The following GPC5 variants were observed in gnomAD, a reference collection of about 807,000 sequenced individuals.
GPC5 encodes the protein glypican-5.
Under a neutral mutation model 53.9 loss-of-function variants are expected in GPC5, and 47 were observed. The ratio of observed to expected loss-of-function variants is 0.87; its 90% CI spans 0.69 to 1.11. The LOEUF (loss-of-function observed/expected upper bound fraction) is 1.11, where lower values mean the gene tolerates loss of function less well. Ranked by LOEUF, GPC5 falls within the 50% of genes most tolerant of loss-of-function variation. The pLI is 0.00. For synonymous variants in GPC5, 286 were observed against 263.3 expected (o/e 1.09, Z -0.84); for missense variants, 748 against 713.1 (o/e 1.05, Z -0.56).
chr13:92,764,218 AC>A (rs1875302619), intron 7 of GPC5, among the ~76,000 whole-genome samples: 1 of 152,158 alleles, frequency 6.6e-6, no homozygotes, highest in Non-Finnish European at 1.5e-5. Flanking sequence ...TGACAAATTG[AC>A]CTCACGAGGT....
chr13:92,501,405 A>G (rs1880178646), intron 7 of GPC5, among the ~76,000 whole-genome samples: 1 of 152,204 alleles, frequency 6.6e-6, no homozygotes, highest in East Asian at 1.9e-4. Flanking sequence ...GATTAACAAT[A>G]GAACCAAAAT....
At chr13:91,842,788 G>A (rs907172938) in intron 5 of GPC5, among the ~76,000 whole-genome samples, 2 of 141,830 alleles carry the variant, frequency 1.4e-5, no homozygotes. Flanking sequence ...TATGCATGTT[G>A]TTTGAGATTT....
intron 2 of GPC5, among the ~76,000 whole-genome samples, chr13:91,686,167 A>T (rs2035618841): frequency 6.6e-6 from 1 of 152,080 alleles, no homozygotes; most frequent in Admixed American, 6.5e-5. Flanking sequence ...TTTATCTGTT[A>T]CACAACTGCT....
At chr13:91,999,458 C>T (rs1017456061) in intron 6 of GPC5, among the ~76,000 whole-genome samples, 1 of 152,112 alleles carries the variant, frequency 6.6e-6, no homozygotes, top group Non-Finnish European at 1.5e-5. Context: ...AATTTTACTT[C>T]ATTATATTTT....
intron 2 of GPC5, among the ~76,000 whole-genome samples, chr13:91,653,894 C>T (rs2034781537): frequency 6.6e-6 from 1 of 152,082 alleles, no homozygotes; most frequent in Non-Finnish European, 1.5e-5. Context: ...ATCATCAATA[C>T]CAAGATAGTG....
At chr13:92,445,752 C>T (rs148379110) in intron 7 of GPC5, among the ~76,000 whole-genome samples, 2,270 of 151,856 alleles carry the variant, frequency 0.015, 64 homozygotes, top group African/African-American at 0.052. Flanking sequence ...TCTTTGCTAT[C>T]GTGAATAATG....
intron 7 of GPC5, among the ~76,000 whole-genome samples, chr13:92,842,189 G>A (rs539921911): frequency 1.3e-5 from 2 of 152,012 alleles, no homozygotes; most frequent in African/African-American, 2.4e-5. Flanking sequence ...TCCAGTACTG[G>A]ATTTTGCCCA....
At chr13:92,484,281 C>T (rs1212718671) in intron 7 of GPC5, among the ~76,000 whole-genome samples, 1 of 152,178 alleles carries the variant, frequency 6.6e-6, no homozygotes, top group Non-Finnish European at 1.5e-5. Context: ...ATAACAACGA[C>T]TCTTGGAATA....
intron 6 of GPC5, among the ~76,000 whole-genome samples, chr13:92,120,188 G>T (rs1276881795): frequency 6.6e-6 from 1 of 152,156 alleles, no homozygotes; most frequent in African/African-American, 2.4e-5. Flanking sequence ...AAAAGCAGCA[G>T]TAAGTAAACT....
At chr13:91,402,031 T>C (rs1410037434) in intron 1 of GPC5, among the ~76,000 whole-genome samples, 1 of 152,222 alleles carries the variant, frequency 6.6e-6, no homozygotes, top group Non-Finnish European at 1.5e-5. Context: ...TTTTCATTTT[T>C]ATTTTATTTA....
At chr13:92,338,050 A>G (rs921417146) in intron 7 of GPC5, among the ~76,000 whole-genome samples, 1 of 152,170 alleles carries the variant, frequency 6.6e-6, no homozygotes, top group Non-Finnish European at 1.5e-5. Context: ...AAATAATTGC[A>G]AAAGATACAG....
At chr13:91,771,920 A>G (rs759035057) in intron 5 of GPC5, among the ~76,000 whole-genome samples, 5 of 152,210 alleles carry the variant, frequency 3.3e-5, no homozygotes, top group African/African-American at 4.8e-5. Flanking sequence ...TAGTTCTTCA[A>G]TGTCAGTTTT....
intron 6 of GPC5, among the ~76,000 whole-genome samples, chr13:92,121,307 G>T (rs1309639151): frequency 6.6e-6 from 1 of 152,228 alleles, no homozygotes; most frequent in East Asian, 1.9e-4. Context: ...TGAAAGTTCT[G>T]GTTCAGGTCT....
chr13:91,852,088 A>G (rs1024416087), intron 5 of GPC5, among the ~76,000 whole-genome samples: 2 of 151,978 alleles, frequency 1.3e-5, no homozygotes, highest in Non-Finnish European at 2.9e-5. Flanking sequence ...TGACTTCCAC[A>G]ATGGTTGAAC....
At chr13:92,482,835 C>T (rs1005043876) in intron 7 of GPC5, among the ~76,000 whole-genome samples, 1 of 152,034 alleles carries the variant, frequency 6.6e-6, no homozygotes, top group African/African-American at 2.4e-5. Flanking sequence ...TTATGCCATG[C>T]TTAATGATGG....
chr13:91,687,410 C>T lies in GPC5; in HGVS notation c.326-5777C>T, dbSNP rs189638066. ...GTGGGCTGGAAGCAGTTAAAGTTTT[C>T]AGTCTTAGGTGTTTTGTCATTAAAT... On this transcript the variant is annotated intron_variant, in intron 2 of 7. Transcript: ENST00000377067. Among the ~76,000 whole-genome samples the T allele has an allele frequency of 2.0e-3, 303 of 152,044 alleles. 2 individuals are homozygous for T. The highest frequency in any genetic ancestry group is 6.9e-3 in the African/African-American group (287 of 41,548).
Position 91,498,237 on chromosome 13 carries a change from A to G in GPC5, c.325+49315A>G, listed in dbSNP as rs533108746. ...TGTCTTTTCAGAAATCTCTACCCAA[A>G]GATTTTTTTTTTTTTTTTTTTTGCT... On this transcript the variant is annotated intron_variant, in intron 2 of 7. Coordinates refer to ENST00000377067, the MANE Select transcript of GPC5 (RefSeq NM_004466.6). Among the ~76,000 whole-genome samples the G allele has an allele frequency of 4.3e-3, 477 of 110,610 alleles. 13 individuals are homozygous for G. The highest frequency in any genetic ancestry group is 0.01 in the Middle Eastern group (2 of 200). The allele number at this position is 110,610 out of a possible 152,430, so 72.6% of individuals were successfully genotyped here.
chr13:92,509,077 T>C (rs1275070910), intron 7 of GPC5, among the ~76,000 whole-genome samples: 3 of 152,132 alleles, frequency 2.0e-5, no homozygotes, highest in Admixed American at 2.0e-4. Context: ...TGCCAGATAG[T>C]AACAAGCACT....
intron 7 of GPC5, among the ~76,000 whole-genome samples, chr13:92,244,111 C>G (rs1394954220): frequency 1.3e-5 from 2 of 152,162 alleles, no homozygotes; most frequent in Non-Finnish European, 2.9e-5. Context: ...GTACTCTTAA[C>G]TTTCATAAGA....
Sources: allele counts gnomAD v4.1 joint callset (sites outside exome capture counted in the v4.1 genomes callset), GRCh38; gene constraint gnomAD v4.1.1; transcripts MANE v1.5; gene names NCBI Gene and HGNC (gene_info 2026-07-23, HGNC 2026-07-21).